SAFB: variants seen among roughly 807,000 people sequenced by gnomAD.
SAFB encodes the protein scaffold attachment factor B1.
SAFB carries 15 observed loss-of-function variants against 101.6 expected under a neutral mutation model. That is an observed-to-expected ratio of 0.15 (90% CI 0.10 to 0.23). The LOEUF is 0.23. SAFB is among the 10% of genes least tolerant of loss of function. The pLI is 1.00. For synonymous variants in SAFB, 449 were observed against 407.5 expected, an observed-to-expected ratio of 1.10 and a Z score of -1.23; for missense variants, 930 against 1,104.1, an observed-to-expected ratio of 0.84 and a Z score of 2.23.
At chr19:5,629,572 G>C (rs4239608) in intron 2 of SAFB, among the ~76,000 whole-genome samples, 2,564 of 152,164 alleles carry the variant, frequency 0.017, 42 homozygotes, top group East Asian at 0.027. Context: ...TAGCCCATCA[G>C]TCTTTTTATT....
intron 2 of SAFB, among the ~76,000 whole-genome samples, chr19:5,628,277 G>A (rs2053413174): frequency 6.6e-6 from 1 of 152,098 alleles, no homozygotes; most frequent in African/African-American, 2.4e-5. Context: ...CTGAAGCTGG[G>A]CTTGTAGACC....
At chr19:5,627,563 G>A (rs2053393649) in intron 2 of SAFB, among the ~76,000 whole-genome samples, 1 of 152,128 alleles carries the variant, frequency 6.6e-6, no homozygotes, top group East Asian at 1.9e-4. Context: ...TTTAAAAGCA[G>A]CTTATACAGT....
Position 5,657,330 on chromosome 19 carries a change from A to G in SAFB, c.1845A>G (p.Arg615=). 6.2e-7 allele frequency: 1 copy of G among 1,611,484 alleles called. No individual in the cohort carries two copies. Among genetic ancestry groups the G allele is most frequent in the East Asian group, 2.2e-5 (1 of 44,864 alleles). The part of the protein sequence containing the change: ...FDKVKEPRKS[R]DSESHSRVRE... ...AGGTCAAGGAGCCTCGGAAGTCAAG[A>G]GACTCAGAGTCCCATAGGTGAGTAG... is the stretch of plus-strand genomic sequence containing the variant. The change falls in exon 14 of 21, where the codon AGA becomes AGG. Residue 615 remains arginine (R), a synonymous_variant. Transcript: ENST00000588852.
rs2053978336 is a variant in SAFB at position 5,653,210 on chromosome 19, C to T, written c.1389C>T (p.Cys463=). 1.2e-6 allele frequency: 2 copies of T among 1,614,158 alleles called. No homozygotes were observed. Among genetic ancestry groups the T allele is most frequent in the East Asian group, 2.2e-5 (1 of 44,878 alleles). ...TMSTAEEATK[C]INHLHKTELH... ...CCACAGCAGAAGAGGCCACAAAATG[C>T]ATTAACCACCTGCACAAGACGGAGC... The change falls in exon 10 of 21, where the codon TGC becomes TGT. Residue 463 remains cysteine (C), a synonymous_variant. Transcript: ENST00000588852.
Position 5,667,242 on chromosome 19 carries a change from C to G in SAFB, c.2453+78C>G. On this transcript the variant is annotated intron_variant, in intron 18 of 20. Transcript: ENST00000588852. The surrounding 1 kb of genome is among the most constrained non-coding windows in gnomAD (Gnocchi z 4.0). ...CCCGCAAGTCGCTGGGATGTGGGCA[C>G]AGGGTGGGAAACACAGAGGGATTCA... The G allele has an allele frequency of 8.0e-7, 1 of 1,256,476 alleles. No individual in the cohort carries two copies. The highest frequency in any genetic ancestry group is 1.1e-6 in the Non-Finnish European group (1 of 908,642). 77.8% of individuals were successfully genotyped at this position (1,256,476 alleles called of 1,614,324 possible). A position where few individuals can be genotyped will look rare whatever the true frequency, so the allele number is the denominator to read the frequency against.
At chr19:5,658,342 C>T (rs1042144429) in intron 14 of SAFB, among the ~76,000 whole-genome samples, 3 of 152,172 alleles carry the variant, frequency 2.0e-5, no homozygotes, top group Admixed American at 6.5e-5. Flanking sequence ...TAAACACAAA[C>T]GTTATTGGCG....
At chr19:5,626,295 G>A in intron 1 of SAFB, 110 bp from the exon 2 acceptor site, 1 of 692,248 alleles carries the variant, frequency 1.4e-6, no homozygotes, top group Non-Finnish European at 2.6e-6. Context: ...GGTGAGGGCG[G>A]CAGCAGCTTT....
chr19:5,644,161 G>A (rs1404142302), intron 4 of SAFB, among the ~76,000 whole-genome samples: 1 of 152,002 alleles, frequency 6.6e-6, no homozygotes, highest in Non-Finnish European at 1.5e-5. Flanking sequence ...TATTGATACT[G>A]TTGTCTATGG....
chr19:5,639,510 T>C (rs1369362174), intron 2 of SAFB, among the ~76,000 whole-genome samples: 2 of 151,936 alleles, frequency 1.3e-5, no homozygotes, highest in African/African-American at 2.4e-5. Context: ...CTGGCCAACA[T>C]GGTGAAACCC....
rs1343413973 is a variant in SAFB, at chr19:5,667,390, C to T, written c.2497C>T (p.Arg833Trp). The change falls in exon 19 of 21, where the codon CGG becomes TGG. Residue 833 changes from arginine to tryptophan, a missense_variant. Transcript: ENST00000588852. This position sits in a 1 kb window ranked among gnomAD's most constrained non-coding sequence, Gnocchi z 4.0. ...GGACCATGGCCGAAGAGAGGATGACCGGTCATGGCAGGGCACGGCCGACGG... is the reference window on the plus strand; with the variant it reads ...GGACCATGGCCGAAGAGAGGATGACTGGTCATGGCAGGGCACGGCCGACGG... ...WGDHGRREDD[R>W]SWQGTADGGM... is the part of the protein sequence containing the mutation. 6 of 1,511,410 alleles carry T rather than the reference C, an allele frequency of 4.0e-6. No homozygotes were observed. The highest frequency in any genetic ancestry group is 2.7e-5 in the Admixed American group (1 of 36,432). 93.6% of individuals were successfully genotyped at this position (1,511,410 alleles called of 1,614,324 possible).
At position 5,649,205 on chromosome 19, in the gene SAFB, A is replaced by G; in HGVS notation, c.854A>G (p.Lys285Arg). The G allele has an allele frequency of 2.8e-6, 1 of 358,268 alleles. No individual in the cohort carries two copies. The highest frequency in any genetic ancestry group is 4.7e-6 in the Non-Finnish European group (1 of 214,440). The allele number at this position is 358,268 out of a possible 1,614,324, so 22.2% of individuals were successfully genotyped here. Residue 285 changes from lysine (K) to arginine (R), a missense_variant, in exon 7 of 21, where the codon AAG becomes AGG. By Grantham distance (26) the Lys-to-Arg change is conservative. Coordinates refer to ENST00000588852, the MANE Select transcript of SAFB (RefSeq NM_001201338.2). ...TCAACAGCACACGCTCAGTCGAGCA[A>G]GGCAGACAGCCTGTTAGCGGTAGTG... ...SESTAHAQSS[K>R]ADSLLAVVKR...
chr19:5,650,308 A>G (rs546905167), intron 8 of SAFB, among the ~76,000 whole-genome samples: 1 of 152,336 alleles, frequency 6.6e-6, no homozygotes, highest in East Asian at 1.9e-4. Context: ...AACATGGGAT[A>G]GATACAGAGC....
At chr19:5,653,042 T>TG in intron 9 of SAFB, 73 bp from the exon 10 acceptor site, 1 of 1,496,218 alleles carries the variant, frequency 6.7e-7, no homozygotes, top group South Asian at 1.2e-5. Flanking sequence ...GACTTCCCTG[T>TG]GGGGTGTTCA....
intron 15 of SAFB, among the ~76,000 whole-genome samples, chr19:5,663,594 C>T (rs149732681): frequency 2.3e-4 from 35 of 152,086 alleles, no homozygotes; most frequent in African/African-American, 8.2e-4. Flanking sequence ...TTATGGTCAT[C>T]TGTGTATTGC....
At chr19:5,627,065 A>C (rs1392448575) in intron 2 of SAFB, among the ~76,000 whole-genome samples, 1 of 151,948 alleles carries the variant, frequency 6.6e-6, no homozygotes, top group Admixed American at 6.6e-5. Flanking sequence ...GATCCCAGCT[A>C]CTTGGGAGTT....
chr19:5,667,784 G>T lies in SAFB; in HGVS notation c.2558-36G>T, dbSNP rs369017493. 3.1e-6 allele frequency: 5 copies of T among 1,610,002 alleles called. No individual in the cohort carries two copies. In the South Asian group the frequency reaches 3.3e-5, roughly 11 times the overall value. Reference sequence around the variant, plus strand: ...GTGCCGTGGGTTCCACGCCGTGTGCGCAAGTTCCCTGTGTGAAAGCACGTC... The same window carrying T: ...GTGCCGTGGGTTCCACGCCGTGTGCTCAAGTTCCCTGTGTGAAAGCACGTC... On this transcript the variant is annotated intron_variant, in intron 19 of 20. Coordinates refer to ENST00000588852, the MANE Select transcript of SAFB (RefSeq NM_001201338.2). This position sits in a 1 kb window ranked among gnomAD's most constrained non-coding sequence, Gnocchi z 4.0.
intron 14 of SAFB, among the ~76,000 whole-genome samples, chr19:5,658,842 CA>C (rs1018876115): frequency 6.9e-5 from 6 of 86,484 alleles, no homozygotes; most frequent in East Asian, 7.6e-4. Context: ...GACTCCATCT[CA>C]AAAAAAAAGG....
chr19:5,645,493 T>C, intron 5 of SAFB, 94 bp downstream of exon 5: 1 of 654,054 alleles, frequency 1.5e-6, no homozygotes, highest in Non-Finnish European at 2.8e-6. Flanking sequence ...TTCCAGCTAA[T>C]AATCACCACA....
At chr19:5,657,899 T>G (rs1234996934) in intron 14 of SAFB, among the ~76,000 whole-genome samples, 3 of 152,130 alleles carry the variant, frequency 2.0e-5, no homozygotes, top group African/African-American at 7.2e-5. Flanking sequence ...ATGGAATGCC[T>G]TCCAGCGTCA....
Sources: gnomAD v4.1 joint callset for allele counts (sites outside exome capture counted in the v4.1 genomes callset) on GRCh38, gnomAD v4.1.1 for gene constraint, Gnocchi (gnomAD v3.1) non-coding constraint, MANE v1.5 for transcripts, NCBI Gene and HGNC (gene_info 2026-07-23, HGNC 2026-07-21) for gene names.